The following RBL1 variants were observed in gnomAD, a reference collection of about 807,000 sequenced individuals.
The protein encoded by RBL1 is RB transcriptional corepressor like 1, also known as retinoblastoma-like protein 1.
A neutral mutation model predicts 123.0 loss-of-function variants in RBL1; 82 were observed. The ratio of observed to expected loss-of-function variants is 0.67; its 90% CI spans 0.56 to 0.80. RBL1 has a LOEUF of 0.80. RBL1 is among the 30% of genes least tolerant of loss of function. The pLI is 0.00. For synonymous variants in RBL1, 405 were observed against 441.3 expected, an observed-to-expected ratio of 0.92 and a Z score of 1.03; for missense variants, 1,171 against 1,299.6, an observed-to-expected ratio of 0.90 and a Z score of 1.52.
At chr20:37,002,299 GA>G (rs1184158510) in intron 21 of RBL1, among the ~76,000 whole-genome samples, 2 of 143,714 alleles carry the variant, frequency 1.4e-5, no homozygotes, top group Non-Finnish European at 3.0e-5. Context: ...CAAAATGCTA[GA>G]ATTACAGGTG....
chr20:37,018,320 T>C lies in RBL1; in HGVS notation c.2681A>G (p.Tyr894Cys). 1 of 1,611,494 alleles carries C rather than the reference T, an allele frequency of 6.2e-7. No individual in the cohort carries two copies. The highest frequency in any genetic ancestry group is 8.5e-7 in the Non-Finnish European group (1 of 1,179,208). ...LKSIPREVVA[Y>C]NKNINDDFEM... is the part of the protein sequence containing the mutation. ...AAAGTCATCATTTATATTTTTATTA[T>C]ATGCCACAACTTCTCTTGGAATACT... Residue 894 changes from tyrosine (Y) to cysteine (C), a missense_variant, in exon 19 of 22, where the codon TAT becomes TGT. Coordinates refer to ENST00000373664, the MANE Select transcript of RBL1 (RefSeq NM_002895.5).
chr20:37,039,429 C>T (rs1275061384), intron 14 of RBL1, among the ~76,000 whole-genome samples: 4 of 152,128 alleles, frequency 2.6e-5, no homozygotes, highest in Non-Finnish European at 4.4e-5. Flanking sequence ...ATGGGAGGGA[C>T]CAGGTGGGAG....
chr20:37,087,488 G>T (rs1037399547), intron 2 of RBL1, among the ~76,000 whole-genome samples: 1 of 152,174 alleles, frequency 6.6e-6, no homozygotes, highest in African/African-American at 2.4e-5. Context: ...TTGGGAGGCT[G>T]AAGCAGGAGG....
At chr20:37,030,019 C>A (rs147931112) in intron 16 of RBL1, among the ~76,000 whole-genome samples, 1 of 152,182 alleles carries the variant, frequency 6.6e-6, no homozygotes, top group Admixed American at 6.5e-5. Flanking sequence ...CTAGCCAATG[C>A]GATCTCCATA....
Position 36,996,615 on chromosome 20 carries a change from T to A in RBL1, c.*2144A>T, listed in dbSNP as rs1686125624. 6.6e-6 allele frequency: 1 copy of A among 152,196 alleles called. No homozygotes were observed. The highest frequency in any genetic ancestry group is 1.5e-5 in the Non-Finnish European group (1 of 68,076). The allele number at this position is 152,196 out of a possible 1,614,324, so 9.4% of individuals were successfully genotyped here. A position where few individuals can be genotyped will look rare whatever the true frequency, so the allele number is the denominator to read the frequency against. ...ATGCCATCACACCCAACTAATTTTT[T>A]TATTTTTTGTAGAGATGAGGGCTAT... On this transcript the variant is annotated 3_prime_UTR_variant, in exon 22 of 22. Coordinates refer to ENST00000373664, the MANE Select transcript of RBL1 (RefSeq NM_002895.5).
intron 2 of RBL1, among the ~76,000 whole-genome samples, chr20:37,077,391 T>C (rs1320682291): frequency 6.6e-6 from 1 of 152,180 alleles, no homozygotes; most frequent in Non-Finnish European, 1.5e-5. Flanking sequence ...TTTAGATTGG[T>C]GGACTTTTAG....
rs2146345887 is a variant in RBL1 at position 37,095,879 on chromosome 20, G to A, written c.50C>T (p.Ala17Val). The change falls in exon 1 of 22, where the codon GCC becomes GTC. Residue 17 changes from alanine to valine, a missense_variant. Transcript: ENST00000373664. The stretch of plus-strand genomic sequence containing the variant: ...GCACAGGGCCTGTAGCGCCTCCCCG[G>A]CTGCGGCGACCACCGCCGCCCCCTC... Reference protein sequence around the residue: ...HAEGAAVVAAAGEALQALCQE... With the variant: ...HAEGAAVVAAVGEALQALCQE... The A allele has an allele frequency of 1.2e-6, 2 of 1,604,246 alleles. No homozygotes were observed. The highest frequency in any genetic ancestry group is 1.3e-5 in the African/African-American group (1 of 74,904).
chr20:37,035,260 C>CTT lies in RBL1; in HGVS notation c.2150_2151dup (p.Val718LysfsTer18). On this transcript the variant is annotated frameshift_variant, in exon 15 of 22. Coordinates refer to ENST00000373664, the MANE Select transcript of RBL1 (RefSeq NM_002895.5). LOFTEE classifies it high-confidence loss of function. ...ACGTTACCATGTAATGGAATTGTAA[C>CTT]TTTATGTCCTGTTGTTCCTGTTACT... is the stretch of plus-strand genomic sequence containing the variant. The CTT allele has an allele frequency of 6.2e-7, 1 of 1,613,246 alleles. No homozygotes were observed.
chr20:37,003,989 G>C (rs1379044751), intron 20 of RBL1, 123 bp from the exon 21 acceptor site: 2 of 753,364 alleles, frequency 2.7e-6, no homozygotes, highest in Admixed American at 8.3e-5. Flanking sequence ...GCTCATTTAT[G>C]GTTGAGAAAA....
At chr20:37,001,151 C>T (rs1479139537) in intron 21 of RBL1, among the ~76,000 whole-genome samples, 2 of 150,298 alleles carry the variant, frequency 1.3e-5, no homozygotes, top group African/African-American at 2.4e-5. Flanking sequence ...CCCGGCCAGC[C>T]GCCCCGTCCG....
intron 2 of RBL1, among the ~76,000 whole-genome samples, chr20:37,069,336 C>T (rs892269214): frequency 2.0e-5 from 3 of 151,638 alleles, no homozygotes; most frequent in African/African-American, 7.3e-5. Flanking sequence ...GCCTGGCTGC[C>T]CAGTCTGGAA....
intron 1 of RBL1, among the ~76,000 whole-genome samples, chr20:37,095,560 T>C (rs570674784): frequency 6.6e-6 from 1 of 152,296 alleles, no homozygotes; most frequent in East Asian, 1.9e-4. Context: ...GCGCGGGACC[T>C]AGGCCGCTCC....
At chr20:37,041,770 C>A (rs935464414) in intron 13 of RBL1, among the ~76,000 whole-genome samples, 1 of 152,024 alleles carries the variant, frequency 6.6e-6, no homozygotes, top group Admixed American at 6.6e-5. Context: ...GAATTGGACA[C>A]CATCAAAATT....
intron 16 of RBL1, among the ~76,000 whole-genome samples, chr20:37,031,902 C>T (rs1036248347): frequency 1.4e-5 from 2 of 145,062 alleles, no homozygotes; most frequent in Non-Finnish European, 3.0e-5. Context: ...CCATACCTGG[C>T]TGCTTTTTTT....
chr20:37,061,399 TA>T (rs1375757171), intron 8 of RBL1, 130 bp from the exon 9 acceptor site: 2 of 1,277,434 alleles, frequency 1.6e-6, no homozygotes, highest in African/African-American at 1.5e-5. Context: ...AATACTATGC[TA>T]ATAACATCCT....
chr20:37,041,759 T>C (rs6124573), intron 13 of RBL1, among the ~76,000 whole-genome samples: 21,108 of 152,176 alleles, frequency 0.14, 2,177 homozygotes, highest in East Asian at 0.48. Context: ...AAAAAATATC[T>C]GAATTGGACA....
At chr20:37,090,573 T>C (rs1347017615) in intron 1 of RBL1, among the ~76,000 whole-genome samples, 1 of 152,252 alleles carries the variant, frequency 6.6e-6, no homozygotes. Context: ...GTCATTTTTG[T>C]AAGGTAAACA....
intron 13 of RBL1, among the ~76,000 whole-genome samples, chr20:37,041,933 C>T (rs112561728): frequency 2.0e-5 from 3 of 151,604 alleles, no homozygotes; most frequent in African/African-American, 4.8e-5. Context: ...ATTAGCTGGG[C>T]GTGGTGGTGG....
Position 37,079,425 on chromosome 20 carries a change from G to C in RBL1, c.290+9564C>G, listed in dbSNP as rs181022075. On this transcript the variant is annotated intron_variant, in intron 2 of 21. Coordinates refer to ENST00000373664, the MANE Select transcript of RBL1 (RefSeq NM_002895.5). ...ATAGATACTTAGTTTTTGAGAACAGGGGGCAGCCAGTTGAGATTTTTAGAT... is the reference window on the plus strand; with the variant it reads ...ATAGATACTTAGTTTTTGAGAACAGCGGGCAGCCAGTTGAGATTTTTAGAT... Among the ~76,000 whole-genome samples the C allele has an allele frequency of 5.9e-5, 9 of 151,660 alleles. No individual in the cohort carries two copies. The East Asian group carries it at 1.7e-3, about 29-fold the overall frequency.
Sources: allele counts gnomAD v4.1 joint callset (sites outside exome capture counted in the v4.1 genomes callset), GRCh38; gene constraint gnomAD v4.1.1; transcripts MANE v1.5; gene names NCBI Gene and HGNC (gene_info 2026-07-23, HGNC 2026-07-21).